The following LRRC53 variants were observed in gnomAD, a reference collection of about 807,000 sequenced individuals.
LRRC53 encodes leucine rich repeat containing 53.
A neutral mutation model predicts 13.6 loss-of-function variants in LRRC53; 25 were observed. The observed-to-expected ratio is 1.83, with a 90% CI of 1.34 to 2.56. The LOEUF (loss-of-function observed/expected upper bound fraction) is 2.56, where lower values mean the gene tolerates loss of function less well. LRRC53 is among the 30% of genes most tolerant of loss of function. The pLI is 0.00. For missense variants in LRRC53, 527 were observed against 275.8 expected, an observed-to-expected ratio of 1.91 and a Z score of -6.45; for synonymous variants, 204 against 109.8, an observed-to-expected ratio of 1.86 and a Z score of -5.37.
At chr1:74,520,126 A>G in the LRRC53 span, among the ~76,000 whole-genome samples, 175 of 149,920 alleles carry the variant, frequency 1.2e-3, no homozygotes, top group African/African-American at 4.0e-3. Context: ...GCTGAACCCA[A>G]TTTGTAGTCT....
At chr1:74,492,393 T>C (rs1174506671) in intron 1 of LRRC53, 3 of 1,235,828 alleles carry the variant, frequency 2.4e-6, no homozygotes, top group African/African-American at 1.5e-5. Context: ...AGAGGAGTTT[T>C]CAGCCCATTT....
chr1:74,506,738 C>A (rs962215685), intron 1 of LRRC53, among the ~76,000 whole-genome samples: 5 of 152,138 alleles, frequency 3.3e-5, no homozygotes, highest in Admixed American at 6.5e-5. Context: ...CTCTGGGGAC[C>A]TTTTAGTTTT....
chr1:74,497,956 C>T (rs530001767), intron 1 of LRRC53, among the ~76,000 whole-genome samples: 106 of 152,214 alleles, frequency 7.0e-4, no homozygotes, highest in African/African-American at 2.4e-3. Context: ...TCAGATGCAT[C>T]CTAGGCTTTT....
chr1:74,494,736 C>T (rs1367955137), intron 1 of LRRC53, among the ~76,000 whole-genome samples: 1 of 152,164 alleles, frequency 6.6e-6, no homozygotes, highest in Non-Finnish European at 1.5e-5. Context: ...GCTCAATGAC[C>T]TTGTCAAGTT....
chr1:74,501,474 G>GTGTTTGTT (rs71588835), intron 1 of LRRC53, among the ~76,000 whole-genome samples: 46,405 of 149,798 alleles, frequency 0.31, 7,619 homozygotes, highest in East Asian at 0.46. Context: ...TTTTTGTTTT[G>GTGTTTGTT]TGTTTGTTTG....
the LRRC53 span, among the ~76,000 whole-genome samples, chr1:74,521,263 G>A: frequency 3.3e-5 from 5 of 152,192 alleles, no homozygotes; most frequent in Non-Finnish European, 7.4e-5. Context: ...TCTTGCCCAA[G>A]CTCATTAACT....
Position 74,470,874 on chromosome 1 carries a change from A to G in LRRC53, c.2748T>C (p.Ser916=), listed in dbSNP as rs1667893168. The G allele has an allele frequency of 7.5e-6, 3 of 400,536 alleles. No individual in the cohort carries two copies. The highest frequency in any genetic ancestry group is 8.8e-5 in the Admixed American group (2 of 22,714). The allele number at this position is 400,536 out of a possible 1,614,324, so 24.8% of individuals were successfully genotyped here. ...GGGACAAAGAAAACTGATTTAACTC[A>G]CTGGTCTTTGATACATTCTGTCCCA... ...EHMGQNVSKT[S]ELNQFSLSPR... is the part of the protein sequence containing the mutation. Residue 916 remains serine, a synonymous_variant, in exon 5 of 5, where the codon AGT becomes AGC. Transcript: ENST00000294635.
intron 1 of LRRC53, among the ~76,000 whole-genome samples, chr1:74,495,551 G>A (rs1165459101): frequency 6.6e-6 from 1 of 152,096 alleles, no homozygotes; most frequent in Admixed American, 6.6e-5. Flanking sequence ...TTAAATACCT[G>A]TCACTATTGA....
chr1:74,499,125 A>G (rs1669480170), intron 1 of LRRC53, among the ~76,000 whole-genome samples: 1 of 152,188 alleles, frequency 6.6e-6, no homozygotes, highest in Non-Finnish European at 1.5e-5. Flanking sequence ...CTGGGTTACA[A>G]GGGACAACCA....
chr1:74,498,353 C>T (rs758142320), intron 1 of LRRC53, among the ~76,000 whole-genome samples: 9 of 152,172 alleles, frequency 5.9e-5, no homozygotes, highest in East Asian at 5.8e-4. Flanking sequence ...TACCCCATCT[C>T]GATTCATGCC....
intron 1 of LRRC53, among the ~76,000 whole-genome samples, chr1:74,508,689 C>A (rs868568031): frequency 4.6e-5 from 7 of 152,132 alleles, no homozygotes; most frequent in Non-Finnish European, 8.8e-5. Context: ...GAGCCCAACC[C>A]GGGGCATATG....
chr1:74,509,962 C>G lies in LRRC53; in HGVS notation c.-27+2564G>C, dbSNP rs1272160119. On this transcript the variant is annotated intron_variant, in intron 1 of 4. Transcript: ENST00000294635. ...AGAGACAGGGTTTCACCAAGTCACC[C>G]AGGCTGGTCTTGAATTCCTGAATTC... is the stretch of plus-strand genomic sequence containing the variant. Among the ~76,000 whole-genome samples, 4 of 152,048 alleles carry G rather than the reference C, an allele frequency of 2.6e-5. No homozygotes were observed. The South Asian group carries it at 8.3e-4, about 32-fold the overall frequency.
chr1:74,531,751 T>C, the LRRC53 span, among the ~76,000 whole-genome samples: 1 of 152,176 alleles, frequency 6.6e-6, no homozygotes, highest in African/African-American at 2.4e-5. Flanking sequence ...TGTGTTTCCT[T>C]TTGAGTATAA....
the LRRC53 span, among the ~76,000 whole-genome samples, chr1:74,524,223 G>A: frequency 6.5e-4 from 99 of 152,342 alleles, no homozygotes; most frequent in Non-Finnish European, 3.5e-4. Flanking sequence ...GAAGTATTTA[G>A]AGGCATTCTG....
chr1:74,490,565 G>A (rs45469103), intron 1 of LRRC53, among the ~76,000 whole-genome samples: 113 of 152,286 alleles, frequency 7.4e-4, no homozygotes, highest in African/African-American at 2.7e-3. Context: ...CTCTCCCCAA[G>A]GGAGAAGATG....
intron 1 of LRRC53, among the ~76,000 whole-genome samples, chr1:74,509,378 T>A (rs1189252455): frequency 6.6e-6 from 1 of 152,206 alleles, no homozygotes; most frequent in African/African-American, 2.4e-5. Flanking sequence ...CGATAGTCAA[T>A]TGTGAATGTG....
intron 1 of LRRC53, among the ~76,000 whole-genome samples, chr1:74,496,312 T>C (rs910108948): frequency 2.0e-5 from 3 of 152,194 alleles, no homozygotes; most frequent in Non-Finnish European, 4.4e-5. Context: ...ATTACGTGCA[T>C]CATCCCTGCC....
intron 4 of LRRC53, among the ~76,000 whole-genome samples, chr1:74,472,817 T>A (rs1001820997): frequency 6.6e-5 from 10 of 152,144 alleles, no homozygotes; most frequent in Non-Finnish European, 8.8e-5. Flanking sequence ...ACCTGGGACT[T>A]TTAAAATGGT....
At chr1:74,494,134 G>A (rs1474553004) in intron 1 of LRRC53, among the ~76,000 whole-genome samples, 1 of 152,080 alleles carries the variant, frequency 6.6e-6, no homozygotes, top group Non-Finnish European at 1.5e-5. Flanking sequence ...GTCCACGTGA[G>A]CACCAAAGCA....
Sources: allele counts gnomAD v4.1 joint callset (sites outside exome capture counted in the v4.1 genomes callset), GRCh38; gene constraint gnomAD v4.1.1; transcripts MANE v1.5; gene names NCBI Gene and HGNC (gene_info 2026-07-23, HGNC 2026-07-21).